The following SDCCAG8 variants were observed in gnomAD, a reference collection of about 807,000 sequenced individuals.
SDCCAG8 encodes the protein serologically defined colon cancer antigen 8.
SDCCAG8 carries 74 observed loss-of-function variants against 101.8 expected under a neutral mutation model. That is an observed-to-expected ratio of 0.73 (90% confidence interval 0.60 to 0.88). SDCCAG8 has a LOEUF of 0.88. Ranked by LOEUF, SDCCAG8 falls within the 40% of genes least tolerant of loss-of-function variation. The pLI, the probability that SDCCAG8 is intolerant of heterozygous loss-of-function variation, is 0.00. For synonymous variants in SDCCAG8, 281 were observed against 292.9 expected (o/e 0.96, Z 0.41); for missense variants, 787 against 822.6 (o/e 0.96, Z 0.53).
At chr1:243,324,497 C>G (rs1190534455) in intron 9 of SDCCAG8, among the ~76,000 whole-genome samples, 1 of 139,900 alleles carries the variant, frequency 7.1e-6, no homozygotes, top group Non-Finnish European at 1.5e-5. Context: ...CAGGGCCTCA[C>G]TCTGTCACCC....
chr1:243,484,266 C>A (rs901655792), intron 16 of SDCCAG8, among the ~76,000 whole-genome samples: 2 of 152,264 alleles, frequency 1.3e-5, no homozygotes, highest in Non-Finnish European at 2.9e-5. Flanking sequence ...GGTGCAGCCA[C>A]ACTGCACAGC....
chr1:243,485,043 C>CA (rs59102358), intron 16 of SDCCAG8, among the ~76,000 whole-genome samples: 3,615 of 99,570 alleles, frequency 0.036, 90 homozygotes, highest in East Asian at 0.21. Flanking sequence ...GACTCCATCT[C>CA]AAAAAAAAAA....
rs1192178434 is a variant in SDCCAG8, at chr1:243,332,875, G to A, written c.1221+2183G>A. ...AGGTGGTTATCGTAGTCCAGGTCTG[G>A]AGGTGATTATCGTAGTCCAGGTCTG... On this transcript the variant is annotated intron_variant, in intron 10 of 17. Coordinates refer to ENST00000366541, the MANE Select transcript of SDCCAG8 (RefSeq NM_006642.5). Among the ~76,000 whole-genome samples, 3 of 151,974 alleles carry A rather than the reference G, an allele frequency of 2.0e-5. No individual in the cohort carries two copies. The East Asian group carries it at 5.8e-4, about 29-fold the overall frequency.
At chr1:243,414,924 A>T (rs896322607) in intron 13 of SDCCAG8, among the ~76,000 whole-genome samples, 6 of 151,696 alleles carry the variant, frequency 4.0e-5, no homozygotes, top group African/African-American at 1.5e-4. Flanking sequence ...TGCTGCCAGC[A>T]TTGAGGTCCT....
intron 12 of SDCCAG8, among the ~76,000 whole-genome samples, chr1:243,360,736 C>T (rs1345629958): frequency 1.3e-5 from 2 of 152,146 alleles, no homozygotes; most frequent in African/African-American, 2.4e-5. Context: ...GCAGGAGAAT[C>T]GTTTGAACCC....
At chr1:243,438,560 G>A (rs1009102355) in intron 16 of SDCCAG8, among the ~76,000 whole-genome samples, 3 of 151,820 alleles carry the variant, frequency 2.0e-5, no homozygotes, top group East Asian at 3.9e-4. Context: ...GCACACGTGC[G>A]CGTGCACCTG....
At chr1:243,459,633 G>A (rs1398916129) in intron 16 of SDCCAG8, among the ~76,000 whole-genome samples, 1 of 152,148 alleles carries the variant, frequency 6.6e-6, no homozygotes, top group African/African-American at 2.4e-5. Flanking sequence ...TAAGAGACAG[G>A]GTTTAACTCT....
At chr1:243,345,642 A>T (rs1046028945) in intron 12 of SDCCAG8, among the ~76,000 whole-genome samples, 4 of 152,224 alleles carry the variant, frequency 2.6e-5, no homozygotes, top group African/African-American at 9.7e-5. Flanking sequence ...TTCTGACAGC[A>T]TAATATTTTG....
At chr1:243,399,501 ATTATTTAT>A (rs746212694) in intron 13 of SDCCAG8, among the ~76,000 whole-genome samples, 4 of 151,970 alleles carry the variant, frequency 2.6e-5, no homozygotes, top group East Asian at 3.9e-4. Context: ...TTTTTTAATT[ATTATTTAT>A]TTATTTATTT....
intron 16 of SDCCAG8, among the ~76,000 whole-genome samples, chr1:243,440,283 A>G (rs947788504): frequency 6.6e-6 from 1 of 152,194 alleles, no homozygotes; most frequent in Non-Finnish European, 1.5e-5. Flanking sequence ...TTATTCTGCA[A>G]TTCACACTTA....
chr1:243,259,691 C>T (rs1253974204), intron 1 of SDCCAG8, among the ~76,000 whole-genome samples: 3 of 151,922 alleles, frequency 2.0e-5, no homozygotes, highest in Non-Finnish European at 2.9e-5. Flanking sequence ...TGGTGGCAGG[C>T]GCGTGTAACC....
intron 13 of SDCCAG8, among the ~76,000 whole-genome samples, chr1:243,389,621 AT>A (rs1287395174): frequency 6.6e-6 from 1 of 152,104 alleles, no homozygotes; most frequent in East Asian, 1.9e-4. Context: ...ATTCATTTTT[AT>A]TGTGTTTTAA....
chr1:243,346,833 T>A (rs1195455527), intron 12 of SDCCAG8, among the ~76,000 whole-genome samples: 1 of 152,158 alleles, frequency 6.6e-6, no homozygotes, highest in Non-Finnish European at 1.5e-5. Context: ...TGCTCTTTGA[T>A]TTTTATGAGA....
chr1:243,470,787 A>G (rs575014951), intron 16 of SDCCAG8, among the ~76,000 whole-genome samples: 25 of 152,194 alleles, frequency 1.6e-4, no homozygotes, highest in Admixed American at 3.3e-4. Flanking sequence ...CAGCATCACA[A>G]GGATTCCCAG....
chr1:243,316,618 G>C, intron 8 of SDCCAG8, 137 bp from the exon 9 acceptor site: 1 of 1,000,848 alleles, frequency 1.0e-6, no homozygotes, highest in Non-Finnish European at 1.5e-6. Flanking sequence ...CTTTCTCTGG[G>C]GTGTGCTTTA....
intron 9 of SDCCAG8, among the ~76,000 whole-genome samples, chr1:243,318,202 A>G (rs901022023): frequency 1.3e-5 from 2 of 152,250 alleles, no homozygotes; most frequent in African/African-American, 4.8e-5. Flanking sequence ...GATCTTTTGC[A>G]GGAACATGCA....
intron 16 of SDCCAG8, among the ~76,000 whole-genome samples, chr1:243,429,330 T>C (rs1223587862): frequency 6.6e-6 from 1 of 152,170 alleles, no homozygotes; most frequent in East Asian, 1.9e-4. Flanking sequence ...AAATATGTGT[T>C]AATCAACCAT....
At chr1:243,475,724 A>G (rs1662273424) in intron 16 of SDCCAG8, among the ~76,000 whole-genome samples, 2 of 152,248 alleles carry the variant, frequency 1.3e-5, no homozygotes, top group Non-Finnish European at 1.5e-5. Context: ...TTGCAAAGCA[A>G]TCTTGGTATT....
chr1:243,443,960 GAATAGCTGAATCAT>G (rs1458216650), intron 16 of SDCCAG8, among the ~76,000 whole-genome samples: 1 of 151,874 alleles, frequency 6.6e-6, no homozygotes, highest in Admixed American at 6.6e-5. Flanking sequence ...GGAACTCTTG[GAATAGCTGAATCAT>G]AAAAGAAAAC....
Sources: gnomAD v4.1 joint callset for allele counts (sites outside exome capture counted in the v4.1 genomes callset) on GRCh38, gnomAD v4.1.1 for gene constraint, MANE v1.5 for transcripts, NCBI Gene and HGNC (gene_info 2026-07-23, HGNC 2026-07-21) for gene names.